FTO: variants seen among roughly 807,000 people sequenced by gnomAD.
The protein encoded by FTO is alpha-ketoglutarate-dependent dioxygenase FTO.
FTO carries 47 observed loss-of-function variants against 63.9 expected under a neutral mutation model. That is an observed-to-expected ratio of 0.74 (90% CI 0.58 to 0.94). The LOEUF is 0.94. FTO is among the 40% of genes least tolerant of loss of function. The pLI is 0.00. For missense variants in FTO, 562 were observed against 618.1 expected, an observed-to-expected ratio of 0.91 and a Z score of 0.96; for synonymous variants, 207 against 224.4, an observed-to-expected ratio of 0.92 and a Z score of 0.69.
intron 8 of FTO, among the ~76,000 whole-genome samples, chr16:54,030,608 C>T (rs553266234): frequency 2.8e-4 from 42 of 151,912 alleles, no homozygotes; most frequent in African/African-American, 1.0e-3. Flanking sequence ...CTACATCAGG[C>T]CTTTATAGTC....
At chr16:53,941,903 A>T (rs1400602856) in intron 8 of FTO, among the ~76,000 whole-genome samples, 1 of 152,208 alleles carries the variant, frequency 6.6e-6, no homozygotes, top group Non-Finnish European at 1.5e-5. Context: ...TATCTCTTCC[A>T]TTTGAATAAT....
rs1008262963 is a variant in FTO at position 53,883,387 on chromosome 16, C to T, written c.1119+3400C>T. Among the ~76,000 whole-genome samples the T allele has an allele frequency of 3.3e-5, 5 of 151,964 alleles. No individual in the cohort carries two copies. In the South Asian group the frequency reaches 6.2e-4, roughly 19 times the overall value. On this transcript the variant is annotated intron_variant, in intron 6 of 8. Coordinates refer to ENST00000471389, the MANE Select transcript of FTO (RefSeq NM_001080432.3). ...GTGTAATCCCAGCACTTTGGGAGGC[C>T]GAGGCGGTGGATCACCTGAGGTCAG... is the stretch of plus-strand genomic sequence containing the variant.
intron 1 of FTO, among the ~76,000 whole-genome samples, chr16:53,732,460 C>A (rs2076295057): frequency 6.6e-6 from 1 of 152,170 alleles, no homozygotes; most frequent in Admixed American, 6.5e-5. Flanking sequence ...ACCTCCTTCA[C>A]CTCTGTATGG....
chr16:54,065,159 T>TTTTATTTTATTTTATTTAC (rs1567549549), intron 8 of FTO, among the ~76,000 whole-genome samples: 42 of 69,668 alleles, frequency 6.0e-4, no homozygotes, highest in African/African-American at 1.5e-3. Context: ...ATTTTATTTA[T>TTTTATTTTATTTTATTTAC]TAATGTACTG....
At chr16:53,866,550 G>T (rs578118734) in intron 4 of FTO, among the ~76,000 whole-genome samples, 1 of 152,244 alleles carries the variant, frequency 6.6e-6, no homozygotes, top group South Asian at 2.1e-4. Flanking sequence ...TTCTTTAATA[G>T]AGATAGGCCT....
At chr16:53,774,261 A>G (rs2077410652) in intron 1 of FTO, among the ~76,000 whole-genome samples, 1 of 152,054 alleles carries the variant, frequency 6.6e-6, no homozygotes, top group Admixed American at 6.6e-5. Flanking sequence ...TATAATACGC[A>G]CCCTTGTGTG....
At chr16:53,778,207 C>T (rs947515013) in intron 1 of FTO, among the ~76,000 whole-genome samples, 1 of 152,082 alleles carries the variant, frequency 6.6e-6, no homozygotes, top group Non-Finnish European at 1.5e-5. Context: ...AAACAGCCTG[C>T]TCACTATAGT....
intron 8 of FTO, among the ~76,000 whole-genome samples, chr16:54,006,718 A>G (rs2084215663): frequency 6.6e-6 from 1 of 152,236 alleles, no homozygotes; most frequent in African/African-American, 2.4e-5. Context: ...GCAGAGAACT[A>G]GAACTAATTT....
At chr16:54,010,601 A>G (rs2084312264) in intron 8 of FTO, among the ~76,000 whole-genome samples, 1 of 152,040 alleles carries the variant, frequency 6.6e-6, no homozygotes, top group South Asian at 2.1e-4. Context: ...TATTGACATC[A>G]ACGTTTTTAC....
chr16:54,011,283 T>C (rs1468442637), intron 8 of FTO, among the ~76,000 whole-genome samples: 1 of 152,228 alleles, frequency 6.6e-6, no homozygotes, highest in African/African-American at 2.4e-5. Context: ...AAGAAATCTC[T>C]TTTAGAAAGT....
At position 53,755,287 on chromosome 16, in the gene FTO, G is replaced by A. The variant is rs2076895614; in HGVS notation, c.45+51058G>A. Among the ~76,000 whole-genome samples, 2 of 152,164 alleles carry A rather than the reference G, an allele frequency of 1.3e-5. 1 individual carries two copies. The highest frequency in any genetic ancestry group is 4.1e-4 in the South Asian group (2 of 4,820). On this transcript the variant is annotated intron_variant, in intron 1 of 8. Transcript: ENST00000471389. ...TCTTTCTTAATGATGGGAGGCGATT[G>A]GGCTGCAGGGCTGGAGAGCTTGGAC...
chr16:54,111,593 T>A (rs1387684474), intron 8 of FTO, among the ~76,000 whole-genome samples, 169 bp from the exon 9 acceptor site: 2 of 152,116 alleles, frequency 1.3e-5, no homozygotes, highest in African/African-American at 2.4e-5. Flanking sequence ...CAGTCTTCCT[T>A]CTTATAAACA....
Position 53,938,273 on chromosome 16 carries a change from G to A in FTO, c.1364+4164G>A, listed in dbSNP as rs977950973. 4.6e-5 allele frequency among the ~76,000 whole-genome samples: 7 copies of A among 152,326 alleles called. No individual in the cohort carries two copies. The East Asian group carries it at 5.8e-4, about 13-fold the overall frequency. ...CACATAATGTTAACTGAGTAGTTAC[G>A]TTTGGTTCTTTCTTTGTTCCTTTTT... On this transcript the variant is annotated intron_variant, in intron 8 of 8. Coordinates refer to ENST00000471389, the MANE Select transcript of FTO (RefSeq NM_001080432.3).
Position 54,002,540 on chromosome 16 carries a change from A to C in FTO, c.1364+68431A>C, listed in dbSNP as rs2144005266. The stretch of plus-strand genomic sequence containing the variant: ...TTCTAGAGAAGTGGAGAAACCTGTG[A>C]GGAAAGCAGCACAGGCGTTGCCACT... On this transcript the variant is annotated intron_variant, in intron 8 of 8. Coordinates refer to ENST00000471389, the MANE Select transcript of FTO (RefSeq NM_001080432.3). Among the ~76,000 whole-genome samples the C allele has an allele frequency of 1.3e-5, 2 of 152,362 alleles. 1 individual carries two copies. The highest frequency in any genetic ancestry group is 1.3e-4 in the Admixed American group (2 of 15,310).
intron 4 of FTO, among the ~76,000 whole-genome samples, chr16:53,858,734 C>T (rs1322787310): frequency 3.3e-5 from 5 of 151,350 alleles, no homozygotes; most frequent in African/African-American, 4.9e-5. Context: ...GATCTCGGCT[C>T]ACTGCAACCT....
At chr16:53,705,365 T>C (rs754331845) in intron 1 of FTO, among the ~76,000 whole-genome samples, 12 of 152,208 alleles carry the variant, frequency 7.9e-5, no homozygotes, top group Non-Finnish European at 1.6e-4. Flanking sequence ...CCCCATTGGA[T>C]ATGACACTCT....
chr16:53,834,846 G>A (rs1313847326), intron 3 of FTO, among the ~76,000 whole-genome samples: 1 of 152,046 alleles, frequency 6.6e-6, no homozygotes, highest in Non-Finnish European at 1.5e-5. Context: ...TTCCTGATAT[G>A]GAAGGTGAAG....
At chr16:53,886,173 A>G (rs1470192893) in intron 6 of FTO, among the ~76,000 whole-genome samples, 1 of 152,214 alleles carries the variant, frequency 6.6e-6, no homozygotes, top group Non-Finnish European at 1.5e-5. Context: ...CCCTAGATAT[A>G]GCCTTCTCCT....
intron 8 of FTO, among the ~76,000 whole-genome samples, chr16:54,065,135 T>TTTTA (rs1170103745): frequency 2.1e-5 from 3 of 140,876 alleles, no homozygotes; most frequent in Admixed American, 1.4e-4. Context: ...TTTTATTTTA[T>TTTTA]TTTATTTTAT....
Sources: gnomAD v4.1 joint callset for allele counts (sites outside exome capture counted in the v4.1 genomes callset) on GRCh38, gnomAD v4.1.1 for gene constraint, MANE v1.5 for transcripts, NCBI Gene and HGNC (gene_info 2026-07-23, HGNC 2026-07-21) for gene names.